The following ZGRF1 variants were observed in gnomAD, a reference collection of about 807,000 sequenced individuals.
ZGRF1 encodes 5'-3' DNA helicase ZGRF1.
ZGRF1 carries 196 observed loss-of-function variants against 203.5 expected under a neutral mutation model. The observed-to-expected ratio is 0.96, with a 90% confidence interval of 0.86 to 1.08. The LOEUF is 1.08. ZGRF1 is among the 50% of genes least tolerant of loss of function. ZGRF1 has a pLI of 0.00. For missense variants in ZGRF1, 2,326 were observed against 2,416.3 expected, an observed-to-expected ratio of 0.96 and a Z score of 0.78; for synonymous variants, 809 against 841.3, an observed-to-expected ratio of 0.96 and a Z score of 0.66.
At chr4:112,611,065 A>T (rs949390442) in intron 7 of ZGRF1, 1 of 187,548 alleles carries the variant, frequency 5.3e-6, no homozygotes, top group African/African-American at 2.4e-5. Context: ...TTAAAAGGGG[A>T]AAAAAAGGAC....
rs754134583 is a variant in ZGRF1, at chr4:112,587,491, CTCTG to C, written c.3562_3565del (p.Gln1188ValfsTer9). 7.2e-4 allele frequency: 1,154 copies of C among 1,613,932 alleles called. 1 individual carries two copies. The highest frequency in any genetic ancestry group is 8.9e-4 in the Non-Finnish European group (1,046 of 1,179,856). The stretch of plus-strand genomic sequence containing the variant: ...TAAAGAGCTTTCATTGACAGCATCA[CTCTG>C]TCTTTCACTTGTGTCTCTAAAATGC... On this transcript the variant is annotated frameshift_variant, in exon 12 of 28. Transcript: ENST00000505019. LOFTEE classifies it high-confidence loss of function.
At chr4:112,635,210 G>A (rs1351911414) in intron 1 of ZGRF1, among the ~76,000 whole-genome samples, 1 of 151,082 alleles carries the variant, frequency 6.6e-6, no homozygotes, top group Non-Finnish European at 1.5e-5. Flanking sequence ...TGATGCCTAA[G>A]AATGCCAAGA....
chr4:112,575,632 C>G (rs766509269), intron 16 of ZGRF1, among the ~76,000 whole-genome samples: 1 of 152,252 alleles, frequency 6.6e-6, no homozygotes, highest in African/African-American at 2.4e-5. Context: ...GATATTATAT[C>G]CCGTGCCTGG....
At position 112,619,538 on chromosome 4, in the gene ZGRF1, A is replaced by C; in HGVS notation, c.504T>G (p.Asp168Glu). ...CAGGGTCTGCCAGTATATTATTTAC[A>C]TCTTTCTTGCCAACAGTAGGAAACA... ...PPLFPTVGKK[D>E]VNNILADPEN... Residue 168 changes from aspartate (D) to glutamate (E), a missense_variant, in exon 6 of 28, where the codon GAT (aspartate) becomes GAG (glutamate). Physicochemically the swap from Asp to Glu is conservative, Grantham distance 45 (BLOSUM62 2). Transcript: ENST00000505019. 1 of 1,614,124 alleles carries C rather than the reference A, an allele frequency of 6.2e-7. No homozygotes were observed. The highest frequency in any genetic ancestry group is 8.5e-7 in the Non-Finnish European group (1 of 1,180,008).
chr4:112,636,794 T>C (rs1578528077), intron 1 of ZGRF1, 57 bp downstream of exon 1: 1 of 152,308 alleles, frequency 6.6e-6, no homozygotes, highest in East Asian at 1.9e-4. Context: ...CTTTCGTCCC[T>C]TCGCCCCAAA....
chr4:112,566,502 A>T (rs1315581800), intron 16 of ZGRF1, among the ~76,000 whole-genome samples: 2 of 151,658 alleles, frequency 1.3e-5, no homozygotes, highest in Middle Eastern at 3.2e-3. Context: ...ATAATAAAAT[A>T]AAATAAATAA....
chr4:112,603,806 A>T (rs1329358799), intron 9 of ZGRF1, 109 bp from the exon 10 acceptor site: 3 of 732,800 alleles, frequency 4.1e-6, no homozygotes, highest in Admixed American at 6.0e-5. Flanking sequence ...TATTACAGGA[A>T]CTATTGTAAA....
intron 8 of ZGRF1, among the ~76,000 whole-genome samples, chr4:112,608,157 T>C (rs1487484990): frequency 2.0e-5 from 3 of 152,168 alleles, no homozygotes; most frequent in African/African-American, 7.2e-5. Context: ...CAAACGATCC[T>C]CCTGCCTCAG....
rs1737226896 is a variant in ZGRF1 at position 112,539,970 on chromosome 4, C to CT, written c.6064dup (p.Arg2022LysfsTer8). ...TCCTCTAGTCAATGCAACATTCATT[C>CT]TTTTTTCTGAATCAATGAATCCTAC... On this transcript the variant is annotated frameshift_variant, in exon 27 of 28. Transcript: ENST00000505019. LOFTEE classifies it high-confidence loss of function. The CT allele has an allele frequency of 6.2e-7, 1 of 1,613,808 alleles. No individual in the cohort carries two copies. The highest frequency in any genetic ancestry group is 2.2e-5 in the East Asian group (1 of 44,882).
At chr4:112,580,746 A>T (rs1229032933) in intron 16 of ZGRF1, among the ~76,000 whole-genome samples, 1 of 152,162 alleles carries the variant, frequency 6.6e-6, no homozygotes, top group Non-Finnish European at 1.5e-5. Flanking sequence ...TCACACCAGT[A>T]AGAATGGCGA....
chr4:112,587,316 C>A lies in ZGRF1; in HGVS notation c.3741G>T (p.Gly1247=). Reference sequence around the variant, plus strand: ...TTACACTGTAGTTGTAGCAGGTAGACCCTCCTAATACATTTTTAATTTCCT... The same window carrying A: ...TTACACTGTAGTTGTAGCAGGTAGAACCTCCTAATACATTTTTAATTTCCT... ...KTEEIKNVLG[G]STCYNYSVKD... is the part of the protein sequence containing the mutation. The change falls in exon 12 of 28, where the codon GGG becomes GGT. Residue 1247 remains glycine (G), a synonymous_variant. Coordinates refer to ENST00000505019, the MANE Select transcript of ZGRF1 (RefSeq NM_018392.5). 6.2e-7 allele frequency: 1 copy of A among 1,612,532 alleles called. No individual in the cohort carries two copies. Among genetic ancestry groups the A allele is most frequent in the Non-Finnish European group, 8.5e-7 (1 of 1,179,464 alleles).
chr4:112,544,755 C>T (rs769693345), intron 24 of ZGRF1, among the ~76,000 whole-genome samples: 19 of 152,128 alleles, frequency 1.2e-4, no homozygotes, highest in Admixed American at 3.3e-4. Flanking sequence ...CTTTCTCTGC[C>T]ATGTGAGGAC....
chr4:112,593,431 CA>C (rs1326315808), intron 10 of ZGRF1, among the ~76,000 whole-genome samples: 1 of 152,204 alleles, frequency 6.6e-6, no homozygotes, highest in Non-Finnish European at 1.5e-5. Flanking sequence ...TAGCAGCCAG[CA>C]AAAACTTTAA....
Position 112,619,101 on chromosome 4 carries a change from T to A in ZGRF1, c.941A>T (p.Gln314Leu), listed in dbSNP as rs1383744929. 1 of 1,613,834 alleles carries A rather than the reference T, an allele frequency of 6.2e-7. No homozygotes were observed. Among genetic ancestry groups the A allele is most frequent in the Non-Finnish European group, 8.5e-7 (1 of 1,179,946 alleles). The change falls in exon 6 of 28, where the codon CAG becomes CTG. Residue 314 changes from glutamine to leucine, a missense_variant. Coordinates refer to ENST00000505019, the MANE Select transcript of ZGRF1 (RefSeq NM_018392.5). Reference protein sequence around the residue: ...EMKSTENLYYQHQSENTMRNK... With the variant: ...EMKSTENLYYLHQSENTMRNK... ...TCTCATGGTATTTTCTGATTGATGC[T>A]GGTAGTATAAATTTTCTGTGCTCTT... is the stretch of plus-strand genomic sequence containing the variant.
At chr4:112,610,907 CTATT>C (rs759333296) in intron 7 of ZGRF1, 23 of 284,904 alleles carry the variant, frequency 8.1e-5, no homozygotes, top group East Asian at 4.2e-4. Context: ...GGATATAAAA[CTATT>C]TATATACATC....
At chr4:112,563,062 A>T in intron 17 of ZGRF1, 69 bp downstream of exon 17, 2 of 1,358,626 alleles carry the variant, frequency 1.5e-6, no homozygotes, top group Non-Finnish European at 2.0e-6. Context: ...GTTGGCTTTA[A>T]TCAAACAGTG....
In ZGRF1 at chr4:112,589,878, T is replaced by C. The variant is rs776450608; in HGVS notation, c.2977-4A>G. On this transcript the variant is annotated splice_polypyrimidine_tract_variant and splice_region_variant and intron_variant, in intron 10 of 27. Transcript: ENST00000505019. ...TGTTTTCTTCTGGTGATGTCACCTA[T>C]ACAGAAAGAAGAATCAAAACTACAG... is the stretch of plus-strand genomic sequence containing the variant. 4 of 1,549,712 alleles carry C rather than the reference T, an allele frequency of 2.6e-6. No individual in the cohort carries two copies. The highest frequency in any genetic ancestry group is 1.4e-5 in the African/African-American group (1 of 72,460).
At chr4:112,553,113 C>G (rs545348685) in intron 22 of ZGRF1, among the ~76,000 whole-genome samples, 1 of 152,232 alleles carries the variant, frequency 6.6e-6, no homozygotes. Flanking sequence ...CAAGTAGACT[C>G]ATTTTCTCAA....
Position 112,618,174 on chromosome 4 carries a change from A to G in ZGRF1, c.1868T>C (p.Met623Thr), listed in dbSNP as rs745924342. ...TGTGTTTTCAGTTTTACATATTCCCATGTCAAAACCCACATAAGTTTTATC... is the reference window on the plus strand; with the variant it reads ...TGTGTTTTCAGTTTTACATATTCCCGTGTCAAAACCCACATAAGTTTTATC... ...FCDKTYVGFD[M>T]GICKTENTGK... is the part of the protein sequence containing the mutation. The change falls in exon 6 of 28, where the codon ATG becomes ACG. Residue 623 changes from methionine (M) to threonine (T), a missense_variant. Transcript: ENST00000505019. 5 of 1,613,608 alleles carry G rather than the reference A, an allele frequency of 3.1e-6. No homozygotes were observed. The African/African-American group carries it at 6.7e-5, about 22-fold the overall frequency.
Sources: allele counts gnomAD v4.1 joint callset (sites outside exome capture counted in the v4.1 genomes callset), GRCh38; gene constraint gnomAD v4.1.1; transcripts MANE v1.5; gene names NCBI Gene and HGNC (gene_info 2026-07-23, HGNC 2026-07-21).